The following SAXO1 variants were observed in gnomAD, a reference collection of about 807,000 sequenced individuals.
SAXO1 encodes stabilizer of axonemal microtubules 1.
In SAXO1, 21 loss-of-function variants were observed where a neutral mutation model predicts 17.5. The ratio of observed to expected loss-of-function variants is 1.20; its 90% CI spans 0.85 to 1.72. SAXO1 has a LOEUF of 1.72. SAXO1 is among the 40% of genes most tolerant of loss of function. The probability of loss-of-function intolerance (pLI) is 0.00; values close to 1 mark genes in which losing one functional copy is unlikely to be tolerated. For synonymous variants in SAXO1, 274 were observed against 216.5 expected, an observed-to-expected ratio of 1.27 and a Z score of -2.33; for missense variants, 843 against 596.0, an observed-to-expected ratio of 1.41 and a Z score of -4.32.
chr9:18,968,571 C>T (rs1371708890), intron 1 of SAXO1, among the ~76,000 whole-genome samples: 1 of 148,424 alleles, frequency 6.7e-6, no homozygotes, highest in Non-Finnish European at 1.5e-5. Flanking sequence ...ATAGTGGCAT[C>T]ATGGTTAAGA....
At chr9:18,999,402 C>T (rs545237096) in intron 1 of SAXO1, among the ~76,000 whole-genome samples, 150 of 147,004 alleles carry the variant, frequency 1.0e-3, no homozygotes, top group Non-Finnish European at 1.9e-3. Flanking sequence ...GGAGCACCTC[C>T]GCCCAGCCGC....
intron 1 of SAXO1, among the ~76,000 whole-genome samples, chr9:19,042,327 G>A (rs569642931): frequency 4.6e-5 from 7 of 152,276 alleles, no homozygotes; most frequent in African/African-American, 1.4e-4. Flanking sequence ...AAAGGGAACC[G>A]CTGTACACTG....
At chr9:18,932,362 C>T (rs1324843755) in intron 3 of SAXO1, among the ~76,000 whole-genome samples, 1 of 152,210 alleles carries the variant, frequency 6.6e-6, no homozygotes, top group East Asian at 1.9e-4. Flanking sequence ...TATTTCTGTA[C>T]TCTCAACTTA....
intron 3 of SAXO1, among the ~76,000 whole-genome samples, chr9:18,937,414 C>T (rs1443437119): frequency 3.3e-5 from 5 of 152,136 alleles, no homozygotes; most frequent in South Asian, 2.1e-4. Context: ...TCCCTGTGTT[C>T]GATGCTGGGA....
At chr9:18,932,426 G>A (rs981247099) in intron 3 of SAXO1, among the ~76,000 whole-genome samples, 3 of 152,228 alleles carry the variant, frequency 2.0e-5, no homozygotes, top group African/African-American at 4.8e-5. Flanking sequence ...CTCAATTGCT[G>A]TAGCTTTATA....
intron 1 of SAXO1, among the ~76,000 whole-genome samples, chr9:18,987,932 A>G (rs1833662248): frequency 7.4e-6 from 1 of 134,912 alleles, no homozygotes; most frequent in Non-Finnish European, 1.7e-5. Context: ...AAAGAAAACC[A>G]GCTCTTCCTC....
intron 1 of SAXO1, among the ~76,000 whole-genome samples, chr9:18,980,478 C>A (rs1293183008): frequency 7.2e-6 from 1 of 138,008 alleles, no homozygotes; most frequent in Non-Finnish European, 1.5e-5. Flanking sequence ...TAAGGAAGGC[C>A]TTGCCAAAAG....
At chr9:18,956,725 G>A (rs111561488) in intron 1 of SAXO1, among the ~76,000 whole-genome samples, 1,613 of 152,282 alleles carry the variant, frequency 0.011, 24 homozygotes, top group African/African-American at 0.037. Flanking sequence ...ATCAGGTACT[G>A]GAATTCAAAT....
intron 1 of SAXO1, chr9:19,027,458 T>C: frequency 1.3e-6 from 1 of 775,306 alleles, no homozygotes; most frequent in Non-Finnish European, 2.4e-6. Context: ...GTCTTGTCAA[T>C]GAACCACAAG....
intron 2 of SAXO1, among the ~76,000 whole-genome samples, chr9:18,946,142 G>A (rs759373015): frequency 2.6e-5 from 4 of 151,880 alleles, no homozygotes; most frequent in Non-Finnish European, 4.4e-5. Context: ...TGGATGTGGT[G>A]GGACACACCT....
At chr9:18,930,032 G>A (rs985316903) in intron 3 of SAXO1, among the ~76,000 whole-genome samples, 2 of 152,190 alleles carry the variant, frequency 1.3e-5, no homozygotes, top group African/African-American at 4.8e-5. Flanking sequence ...TAAGAAACTT[G>A]CCCAAAAGTC....
chr9:18,947,807 C>T (rs116321503), intron 2 of SAXO1: 6 of 152,284 alleles, frequency 3.9e-5, no homozygotes, highest in Admixed American at 3.3e-4. Flanking sequence ...CCTCATGGCA[C>T]CTGCTGTAAA....
At chr9:18,987,367 G>A (rs1356287200) in intron 1 of SAXO1, among the ~76,000 whole-genome samples, 2 of 152,260 alleles carry the variant, frequency 1.3e-5, no homozygotes, top group African/African-American at 2.4e-5. Flanking sequence ...GGCACAAAGG[G>A]AGCCTTCGAT....
chr9:19,049,024 G>T lies in SAXO1; in HGVS notation c.-158+185C>A, dbSNP rs1836287381. The stretch of plus-strand genomic sequence containing the variant: ...GCCCTGCCCTTGTACTCACTGGGCC[G>T]GGCAAGCTGGGGAGGCCTAAGCGGA... On this transcript the variant is annotated intron_variant, in intron 1 of 3. Transcript: ENST00000542071. This position sits in a 1 kb window ranked among gnomAD's most constrained non-coding sequence, Gnocchi z 5.4. Among the ~76,000 whole-genome samples, 1 of 152,224 alleles carries T rather than the reference G, an allele frequency of 6.6e-6. No individual in the cohort carries two copies. The highest frequency in any genetic ancestry group is 1.5e-5 in the Non-Finnish European group (1 of 68,052).
chr9:18,939,118 G>C (rs1831440705), intron 3 of SAXO1, among the ~76,000 whole-genome samples: 1 of 152,016 alleles, frequency 6.6e-6, no homozygotes, highest in African/African-American at 2.4e-5. Context: ...GGAGAGGCGA[G>C]TCCGCCATCG....
At chr9:18,959,048 G>A (rs1300386331) in intron 1 of SAXO1, among the ~76,000 whole-genome samples, 1 of 152,116 alleles carries the variant, frequency 6.6e-6, no homozygotes, top group African/African-American at 2.4e-5. Flanking sequence ...CATGAGGGCT[G>A]GGAAAAAGAC....
intron 1 of SAXO1, among the ~76,000 whole-genome samples, chr9:18,990,725 T>C (rs1833780147): frequency 6.6e-6 from 1 of 152,236 alleles, no homozygotes; most frequent in South Asian, 2.1e-4. Flanking sequence ...ACCTGAGCTC[T>C]GCCTCTTGTC....
At chr9:19,015,794 G>T (rs751689132) in intron 1 of SAXO1, among the ~76,000 whole-genome samples, 15 of 151,858 alleles carry the variant, frequency 9.9e-5, no homozygotes, top group South Asian at 8.3e-4. Flanking sequence ...TCTTCTTTTT[G>T]AAAAAACACA....
In SAXO1 at chr9:18,967,297, T is replaced by C. The variant is rs556617698; in HGVS notation, c.39-16360A>G. Reference sequence around the variant, plus strand: ...CTGTCCTGGGAGATCTGCTGCTCTCTTCAGAGTTGGCAGGCAGGAACATTT... The same window carrying C: ...CTGTCCTGGGAGATCTGCTGCTCTCCTCAGAGTTGGCAGGCAGGAACATTT... On this transcript the variant is annotated intron_variant, in intron 1 of 3. Transcript: ENST00000380534. Among the ~76,000 whole-genome samples the C allele has an allele frequency of 6.6e-5, 10 of 152,320 alleles. No individual in the cohort carries two copies. In the South Asian group the frequency reaches 1.7e-3, roughly 25 times the overall value.
Sources: allele counts gnomAD v4.1 joint callset (sites outside exome capture counted in the v4.1 genomes callset), GRCh38; gene constraint gnomAD v4.1.1; non-coding constraint Gnocchi (gnomAD v3.1); transcripts MANE v1.5; gene names NCBI Gene and HGNC (gene_info 2026-07-23, HGNC 2026-07-21).